SLC2A9: variants seen among roughly 807,000 people sequenced by gnomAD.
The protein encoded by SLC2A9 is solute carrier family 2 member 9, also known as solute carrier family 2, facilitated glucose transporter member 9.
In SLC2A9, 39 loss-of-function variants were observed where a neutral mutation model predicts 50.6. The observed-to-expected ratio is 0.77, with a 90% CI of 0.60 to 1.01. SLC2A9 has a LOEUF of 1.01. Among genes scored for constraint, SLC2A9 ranks in the 50% least tolerant of loss-of-function variants. The pLI is 0.00. For missense variants in SLC2A9, 686 were observed against 677.6 expected (o/e 1.01, Z -0.14); for synonymous variants, 324 against 276.9 (o/e 1.17, Z -1.69).
At chr4:10,031,765 G>C (rs2109591911) in intron 1 of SLC2A9, among the ~76,000 whole-genome samples, 1 of 152,334 alleles carries the variant, frequency 6.6e-6, no homozygotes, top group South Asian at 2.1e-4. Flanking sequence ...CCAGTTAGCG[G>C]AGCTGGAGAA....
chr4:9,927,848 C>A lies in SLC2A9; in HGVS notation c.815-7276G>T, dbSNP rs182317595. Reference sequence around the variant, plus strand: ...ACCGTGTGGAGAAGCTGACAGGGTGCCTTCGATCTGTCTTTTGAATGACAT... The same window carrying A: ...ACCGTGTGGAGAAGCTGACAGGGTGACTTCGATCTGTCTTTTGAATGACAT... On this transcript the variant is annotated intron_variant, in intron 6 of 11. Transcript: ENST00000264784. Among the ~76,000 whole-genome samples the A allele has an allele frequency of 9.7e-4, 147 of 152,240 alleles. 3 individuals carry two copies. The highest frequency in any genetic ancestry group is 3.2e-3 in the African/African-American group (132 of 41,528).
At chr4:9,817,112 C>T (rs1723708060) in intron 3 of SLC2A9, among the ~76,000 whole-genome samples, 1 of 152,176 alleles carries the variant, frequency 6.6e-6, no homozygotes, top group Non-Finnish European at 1.5e-5. Context: ...TCCTTTCTGA[C>T]TCTGACTCTG....
upstream of SLC2A9, chr4:10,025,828 C>T (rs1472148737): frequency 1.4e-6 from 2 of 1,434,860 alleles, no homozygotes; most frequent in Non-Finnish European, 2.0e-6. Flanking sequence ...CTCCCACTGA[C>T]CCAGGGGAAA....
At chr4:10,019,389 T>C (rs541622783) in intron 1 of SLC2A9, 40 of 449,786 alleles carry the variant, frequency 8.9e-5, no homozygotes, top group African/African-American at 3.9e-4. Context: ...TTCAGCGAAG[T>C]TGGCGAGTGT....
At chr4:10,018,892 G>T in intron 2 of SLC2A9, 83 bp downstream of exon 2, 6 of 1,360,546 alleles carry the variant, frequency 4.4e-6, no homozygotes, top group Non-Finnish European at 6.1e-6. Context: ...AACAGGAGGG[G>T]GCGCTGGAGC....
chr4:9,903,841 T>C (rs1182181260), intron 8 of SLC2A9, among the ~76,000 whole-genome samples: 1 of 147,486 alleles, frequency 6.8e-6, no homozygotes, highest in African/African-American at 2.5e-5. Flanking sequence ...TTGTATATTA[T>C]ATAAATATAT....
chr4:9,889,278 G>C (rs991153442), intron 9 of SLC2A9, among the ~76,000 whole-genome samples: 4 of 152,162 alleles, frequency 2.6e-5, no homozygotes, highest in African/African-American at 4.8e-5. Flanking sequence ...CAGGTTCCTT[G>C]AGGAGCTGCC....
intron 1 of SLC2A9, among the ~76,000 whole-genome samples, chr4:10,033,449 G>GTC (rs1764000989): frequency 6.6e-6 from 1 of 152,178 alleles, no homozygotes; most frequent in Non-Finnish European, 1.5e-5. Flanking sequence ...CTTAGCCTCA[G>GTC]TCTTGCCTTT....
intron 1 of SLC2A9, among the ~76,000 whole-genome samples, chr4:10,027,174 A>C (rs926467062): frequency 7.9e-5 from 12 of 152,150 alleles, no homozygotes; most frequent in Non-Finnish European, 1.5e-4. Context: ...GGACTGGGGG[A>C]AGGGGCAGTG....
intron 5 of SLC2A9, among the ~76,000 whole-genome samples, chr4:9,972,165 C>A (rs4476596): frequency 0.2 from 29,737 of 151,946 alleles, 3,135 homozygotes; most frequent in African/African-American, 0.22. Flanking sequence ...AATTTGCAAC[C>A]ATTAGTATAT....
At chr4:9,779,469 T>C (rs1417039071), downstream of SLC2A9, among the ~76,000 whole-genome samples, 1 of 151,060 alleles carries the variant, frequency 6.6e-6, no homozygotes, top group South Asian at 2.1e-4. Flanking sequence ...GGCTGGAGTG[T>C]GGTGGTGTGA....
chr4:9,793,697 T>C (rs1720249166), intron 3 of SLC2A9, among the ~76,000 whole-genome samples: 1 of 152,178 alleles, frequency 6.6e-6, no homozygotes, highest in Admixed American at 6.5e-5. Flanking sequence ...TTGGTTTTGG[T>C]ATTTCATGAA....
chr4:9,801,822 C>G (rs1355034525), intron 3 of SLC2A9, among the ~76,000 whole-genome samples: 1 of 152,206 alleles, frequency 6.6e-6, no homozygotes, highest in East Asian at 1.9e-4. Context: ...AAGGGGGTTA[C>G]AGGATAGGGA....
intron 1 of SLC2A9, among the ~76,000 whole-genome samples, chr4:9,773,320 G>A (rs1717094177): frequency 1.3e-5 from 2 of 152,166 alleles, no homozygotes; most frequent in Admixed American, 6.5e-5. Flanking sequence ...AGGGCTGGTG[G>A]CTGGGAGCTC....
chr4:9,807,083 G>A lies in SLC2A9; in HGVS notation n.421-7842C>T, dbSNP rs568736364. Among the ~76,000 whole-genome samples, 3 of 152,234 alleles carry A rather than the reference G, an allele frequency of 2.0e-5. No individual in the cohort carries two copies. In the South Asian group the frequency reaches 6.2e-4, roughly 32 times the overall value. Reference sequence around the variant, plus strand: ...ACCCTGTTTCTTAAAAGTAATCCCAGATATAGTGGCCATCCAGCTGGCTGG... The same window carrying A: ...ACCCTGTTTCTTAAAAGTAATCCCAAATATAGTGGCCATCCAGCTGGCTGG... On this transcript the variant is annotated intron_variant and non_coding_transcript_variant, in intron 3 of 3. Coordinates refer to the SLC2A9 transcript ENST00000503280.
chr4:10,002,194 G>T (rs1222830588), intron 2 of SLC2A9, among the ~76,000 whole-genome samples: 2 of 152,246 alleles, frequency 1.3e-5, no homozygotes, highest in Admixed American at 6.5e-5. Flanking sequence ...TCCAGCTACA[G>T]AGCTTCCAGG....
At chr4:9,936,379 G>A (rs1052683925) in intron 6 of SLC2A9, among the ~76,000 whole-genome samples, 2 of 152,174 alleles carry the variant, frequency 1.3e-5, no homozygotes, top group Non-Finnish European at 2.9e-5. Flanking sequence ...TGTGGTATGG[G>A]GAAGACGGGG....
intron 3 of SLC2A9, among the ~76,000 whole-genome samples, chr4:9,785,742 G>A (rs1209604452): frequency 1.3e-5 from 2 of 152,212 alleles, no homozygotes; most frequent in Admixed American, 6.5e-5. Flanking sequence ...CAAATTCTCT[G>A]CTGTCTTGGA....
chr4:9,794,741 C>T (rs569101859), downstream of SLC2A9, among the ~76,000 whole-genome samples: 1 of 152,320 alleles, frequency 6.6e-6, no homozygotes, highest in East Asian at 1.9e-4. Context: ...GATGGGTTCT[C>T]ATCATGGTCT....
Sources: allele counts gnomAD v4.1 joint callset (sites outside exome capture counted in the v4.1 genomes callset), GRCh38; gene constraint gnomAD v4.1.1; transcripts MANE v1.5; gene names NCBI Gene and HGNC (gene_info 2026-07-23, HGNC 2026-07-21).